The following GIMAP5 variants were observed in gnomAD, a reference collection of about 807,000 sequenced individuals.
The protein encoded by GIMAP5 is GTPase IMAP family member 5.
A neutral mutation model predicts 9.9 loss-of-function variants in GIMAP5; 8 were observed. The ratio of observed to expected loss-of-function variants is 0.81; its 90% CI spans 0.47 to 1.45. GIMAP5 has a LOEUF of 1.45. GIMAP5 is among the 40% of genes most tolerant of loss of function. The pLI, the probability that GIMAP5 is intolerant of heterozygous loss-of-function variation, is 0.00. For synonymous variants in GIMAP5, 174 were observed against 151.4 expected, an observed-to-expected ratio of 1.15 and a Z score of -1.09; for missense variants, 353 against 367.4, an observed-to-expected ratio of 0.96 and a Z score of 0.32.
rs1009976747 is a variant in GIMAP5 at position 150,743,292 on chromosome 7, A to G, written c.*229A>G. 2 of 535,076 alleles carry G rather than the reference A, an allele frequency of 3.7e-6. No individual in the cohort carries two copies. Among genetic ancestry groups the G allele is most frequent in the Non-Finnish European group, 6.5e-6 (2 of 306,320 alleles). 33.1% of individuals were successfully genotyped at this position (535,076 alleles called of 1,614,324 possible). A position where few individuals can be genotyped will look rare whatever the true frequency, so the allele number is the denominator to read the frequency against. ...CTGTCTGCCAACAACTGCTTCAGGA[A>G]TGGGCCTGAGATCCCATGCAGGTCC... On this transcript the variant is annotated 3_prime_UTR_variant, in exon 3 of 3. Transcript: ENST00000358647.
chr7:150,740,574 T>C (rs1379927857), intron 1 of GIMAP5: 1 of 265,990 alleles, frequency 3.8e-6, no homozygotes, highest in Non-Finnish European at 7.1e-6. Flanking sequence ...GCTTTCTCCA[T>C]TTCATGCCTT....
chr7:150,737,930 C>A, intron 1 of GIMAP5: 1 of 581,894 alleles, frequency 1.7e-6, no homozygotes. Flanking sequence ...ACAGCCCAGT[C>A]CCAGGACAGC....
chr7:150,743,416 C>G lies in GIMAP5; in HGVS notation c.*353C>G, dbSNP rs1447413562. ...GGCATTGTGGGGTCTGGGCGTGACA[C>G]TGGGACTCTCAGCAGCTTTGTGCTG... On this transcript the variant is annotated 3_prime_UTR_variant, in exon 3 of 3. Coordinates refer to ENST00000358647, the MANE Select transcript of GIMAP5 (RefSeq NM_018384.5). The G allele has an allele frequency of 3.6e-5, 8 of 223,240 alleles. No homozygotes were observed. In the South Asian group the frequency reaches 4.3e-4, roughly 12 times the overall value. The allele number at this position is 223,240 out of a possible 1,614,324, so 13.8% of individuals were successfully genotyped here. A position where few individuals can be genotyped will look rare whatever the true frequency, so the allele number is the denominator to read the frequency against.
chr7:150,742,719 G>A lies in GIMAP5; in HGVS notation c.580G>A (p.Glu194Lys). 1.2e-6 allele frequency: 2 copies of A among 1,614,216 alleles called. No homozygotes were observed. Among genetic ancestry groups the A allele is most frequent in the Non-Finnish European group, 1.7e-6 (2 of 1,180,036 alleles). ...YCAFNNWGSV[E>K]EQRQQQAELL... ...TGCCTTCAACAACTGGGGCTCTGTG[G>A]AGGAGCAGAGGCAGCAGCAGGCAGA... is the stretch of plus-strand genomic sequence containing the variant. The change falls in exon 3 of 3, where the codon GAG (glutamate) becomes AAG (lysine). Residue 194 changes from glutamate to lysine, a missense_variant. By Grantham distance (56) the Glu-to-Lys change is moderately conservative (BLOSUM62 1). Coordinates refer to ENST00000358647, the MANE Select transcript of GIMAP5 (RefSeq NM_018384.5).
At chr7:150,741,348 T>C (rs1268931219) in intron 2 of GIMAP5, among the ~76,000 whole-genome samples, 3 of 152,124 alleles carry the variant, frequency 2.0e-5, no homozygotes, top group African/African-American at 7.2e-5. Flanking sequence ...AAATAATAGA[T>C]TTTTAAGAGC....
Position 150,737,472 on chromosome 7 carries a change from C to T in GIMAP5, c.-243C>T, listed in dbSNP as rs918210590. On this transcript the variant is annotated 5_prime_UTR_variant, in exon 1 of 3. Coordinates refer to ENST00000358647, the MANE Select transcript of GIMAP5 (RefSeq NM_018384.5). ...CTAGTCCGCAGAGGTGTGGGGGACA[C>T]ACTCCATAATCTCTACTTTTCTTTT... 1.3e-5 allele frequency: 19 copies of T among 1,502,594 alleles called. No individual in the cohort carries two copies. In the Admixed American group the frequency reaches 3.7e-4, roughly 30 times the overall value. 93.1% of individuals were successfully genotyped at this position (1,502,594 alleles called of 1,614,324 possible).
intron 2 of GIMAP5, among the ~76,000 whole-genome samples, chr7:150,741,411 T>A (rs1797592421): frequency 1.3e-5 from 2 of 152,182 alleles, no homozygotes; most frequent in South Asian, 2.1e-4. Flanking sequence ...GGTTCTCCCC[T>A]CTTCGTGCCT....
chr7:150,742,466 G>A lies in GIMAP5; in HGVS notation c.327G>A (p.Pro109=), dbSNP rs61751040. 0.01 allele frequency: 16,240 copies of A among 1,614,118 alleles called. 936 individuals are homozygous for A. The African/African-American group carries it at 0.15, about 15-fold the overall frequency. ...NIGDCYLLSA[P]GPHVLLLVIQ... is the part of the protein sequence containing the mutation. ...GGGACTGCTACCTGCTCTCTGCCCC[G>A]GGGCCCCACGTCCTGCTTCTGGTGA... Residue 109 remains proline (P), a synonymous_variant, in exon 3 of 3, where the codon CCG becomes CCA. Transcript: ENST00000358647.
chr7:150,742,086 G>A, intron 2 of GIMAP5, 97 bp from the exon 3 acceptor site: 2 of 1,390,498 alleles, frequency 1.4e-6, no homozygotes, highest in South Asian at 1.4e-5. Flanking sequence ...TCATTCTGGG[G>A]AGGACGTTCA....
At position 150,742,805 on chromosome 7, in the gene GIMAP5, C is replaced by T. The variant is rs1263013904; in HGVS notation, c.666C>T (p.Asp222=). ...REREGSFHSN[D]LFLDAQLLQR... ...GAGAGGGCTCCTTCCACAGCAATGACCTCTTCTTGGATGCCCAGCTGCTCC... is the reference window on the plus strand; with the variant it reads ...GAGAGGGCTCCTTCCACAGCAATGATCTCTTCTTGGATGCCCAGCTGCTCC... The change falls in exon 3 of 3, where the codon GAC becomes GAT. Residue 222 remains aspartate (D), a synonymous_variant. Coordinates refer to ENST00000358647, the MANE Select transcript of GIMAP5 (RefSeq NM_018384.5). The T allele has an allele frequency of 1.2e-6, 2 of 1,614,064 alleles. No individual in the cohort carries two copies. The highest frequency in any genetic ancestry group is 1.7e-6 in the Non-Finnish European group (2 of 1,180,052).
intron 2 of GIMAP5, among the ~76,000 whole-genome samples, chr7:150,741,633 T>G (rs1296848136): frequency 6.6e-6 from 1 of 152,224 alleles, no homozygotes; most frequent in Admixed American, 6.5e-5. Context: ...TTCAAACATT[T>G]CACTCCCTAT....
intron 1 of GIMAP5, 152 bp from the exon 2 acceptor site, chr7:150,740,727 T>C (rs1374491006): frequency 1.5e-6 from 1 of 685,912 alleles, no homozygotes; most frequent in Admixed American, 2.7e-5. Context: ...TATTTACAGA[T>C]GTTTCAAAGT....
chr7:150,741,089 A>T (rs977514196), intron 2 of GIMAP5, among the ~76,000 whole-genome samples, 162 bp downstream of exon 2: 1 of 152,158 alleles, frequency 6.6e-6, no homozygotes, highest in Non-Finnish European at 1.5e-5. Context: ...ACCATCACAC[A>T]CACACACAGA....
Position 150,743,184 on chromosome 7 carries a change from C to G in GIMAP5, c.*121C>G, listed in dbSNP as rs1394807683. 7.9e-7 allele frequency: 1 copy of G among 1,266,766 alleles called. No homozygotes were observed. Among genetic ancestry groups the G allele is most frequent in the Non-Finnish European group, 1.1e-6 (1 of 928,204 alleles). 78.5% of individuals were successfully genotyped at this position (1,266,766 alleles called of 1,614,324 possible). ...CATGCTGCTTGCTGTCTGTGCAGCTCCCATTTCCCCTTCTTCCTGATAGAC... is the reference window on the plus strand; with the variant it reads ...CATGCTGCTTGCTGTCTGTGCAGCTGCCATTTCCCCTTCTTCCTGATAGAC... On this transcript the variant is annotated 3_prime_UTR_variant, in exon 3 of 3. Coordinates refer to ENST00000358647, the MANE Select transcript of GIMAP5 (RefSeq NM_018384.5).
Position 150,742,785 on chromosome 7 carries a change from G to A in GIMAP5, c.646G>A (p.Gly216Ser). Residue 216 changes from glycine (G) to serine (S), a missense_variant, in exon 3 of 3, where the codon GGC becomes AGC. Gly to Ser is a moderately conservative substitution (Grantham distance 56). Coordinates refer to ENST00000358647, the MANE Select transcript of GIMAP5 (RefSeq NM_018384.5). ...VIERLGRERE[G>S]SFHSNDLFLD... ...TGAGAGGCTGGGGAGGGAGCGAGAG[G>A]GCTCCTTCCACAGCAATGACCTCTT... 3.7e-6 allele frequency: 6 copies of A among 1,614,124 alleles called. No homozygotes were observed. The highest frequency in any genetic ancestry group is 5.1e-6 in the Non-Finnish European group (6 of 1,180,018).
intron 1 of GIMAP5, chr7:150,738,078 C>G (rs1325241155): frequency 4.1e-6 from 1 of 244,030 alleles, no homozygotes; most frequent in African/African-American, 2.3e-5. Flanking sequence ...GGCTTTCCCC[C>G]ATCTCCCCTA....
Position 150,740,935 on chromosome 7 carries a change from A to T in GIMAP5, c.43+8A>T. 1 of 1,614,104 alleles carries T rather than the reference A, an allele frequency of 6.2e-7. No homozygotes were observed. The highest frequency in any genetic ancestry group is 8.5e-7 in the Non-Finnish European group (1 of 1,179,958). On this transcript the variant is annotated splice_region_variant and intron_variant, in intron 2 of 2. Transcript: ENST00000358647. ...ATGGAACTATGGCTGAAGGTAAGAAAGTCTTGAAGTTCTCAAGAGCCCCAG... is the reference window on the plus strand; with the variant it reads ...ATGGAACTATGGCTGAAGGTAAGAATGTCTTGAAGTTCTCAAGAGCCCCAG...
chr7:150,740,839 C>T (rs9657894), intron 1 of GIMAP5, 40 bp from the exon 2 acceptor site: 515,025 of 1,608,372 alleles, frequency 0.32, 85,861 homozygotes, highest in African/African-American at 0.56. Context: ...AGCTCCCAAA[C>T]GTACATCTGC....
intron 2 of GIMAP5, 141 bp from the exon 3 acceptor site, chr7:150,742,042 T>C: frequency 9.9e-7 from 1 of 1,006,178 alleles, no homozygotes; most frequent in Non-Finnish European, 1.4e-6. Context: ...CCTATAGTTG[T>C]ATGCACACTT....
Sources: allele counts gnomAD v4.1 joint callset (sites outside exome capture counted in the v4.1 genomes callset), GRCh38; gene constraint gnomAD v4.1.1; transcripts MANE v1.5; gene names NCBI Gene and HGNC (gene_info 2026-07-23, HGNC 2026-07-21).